Variants in OTUD7A observed in about 807,000 individuals in gnomAD.
OTUD7A encodes the protein OTU domain-containing protein 7A.
Under a neutral mutation model 65.7 loss-of-function variants are expected in OTUD7A, and 12 were observed. The ratio of observed to expected loss-of-function variants is 0.18; its 90% confidence interval spans 0.12 to 0.30. The LOEUF (loss-of-function observed/expected upper bound fraction) is 0.30, where lower values mean the gene tolerates loss of function less well. Among genes scored for constraint, OTUD7A ranks in the 10% least tolerant of loss-of-function variants. The pLI, the probability that OTUD7A is intolerant of heterozygous loss-of-function variation, is 1.00. For synonymous variants in OTUD7A, 641 were observed against 586.3 expected (o/e 1.09, Z -1.35); for missense variants, 1,148 against 1,304.8 (o/e 0.88, Z 1.85).
chr15:31,535,963 A>G (rs1887788809), intron 5 of OTUD7A, among the ~76,000 whole-genome samples: 1 of 152,076 alleles, frequency 6.6e-6, no homozygotes, highest in African/African-American at 2.4e-5. Context: ...TACAGGTGTG[A>G]GCCACCGCGC....
intron 1 of OTUD7A, among the ~76,000 whole-genome samples, chr15:31,856,100 AT>A (rs751103222): frequency 3.2e-4 from 48 of 152,358 alleles, no homozygotes; most frequent in Non-Finnish European, 6.8e-4. Flanking sequence ...GAAATAAGAC[AT>A]GTAACTTAAA....
chr15:31,842,712 A>C (rs28435387), intron 1 of OTUD7A, among the ~76,000 whole-genome samples: 3,532 of 152,248 alleles, frequency 0.023, 68 homozygotes, highest in Non-Finnish European at 0.038. Context: ...AACTGTGACA[A>C]AACCCTGACC....
At chr15:31,549,884 G>A (rs1318111951) in intron 5 of OTUD7A, among the ~76,000 whole-genome samples, 1 of 152,088 alleles carries the variant, frequency 6.6e-6, no homozygotes, top group Non-Finnish European at 1.5e-5. Context: ...CCCCTTTCCT[G>A]TAGTTCTCAA....
chr15:31,484,500 G>C lies in OTUD7A; in HGVS notation c.1596C>G (p.Gly532=), dbSNP rs760740098. 1.2e-6 allele frequency: 2 copies of C among 1,609,266 alleles called. No homozygotes were observed. Among genetic ancestry groups the C allele is most frequent in the South Asian group, 1.1e-5 (1 of 91,092 alleles). The change falls in exon 13 of 13, where the codon GGC becomes GGG. Residue 532 remains glycine, a synonymous_variant. Transcript: ENST00000307050. This position sits in a 1 kb window ranked among gnomAD's most constrained non-coding sequence, Gnocchi z 4.5. ...NKLGSFSKTL[G]IKLKKNMGGL... ...CGCCCATGTTTTTCTTCAGCTTGAT[G>C]CCCAGCGTCTTGCTGAAGCTGCCCA...
chr15:31,761,126 A>C (rs562499306), intron 1 of OTUD7A, among the ~76,000 whole-genome samples: 2 of 152,174 alleles, frequency 1.3e-5, no homozygotes, highest in African/African-American at 2.4e-5. Flanking sequence ...GAGTTAGGCA[A>C]TAATTTTGTA....
intron 3 of OTUD7A, among the ~76,000 whole-genome samples, chr15:31,610,617 A>ATATATATATATATATATTTTT: frequency 3.3e-5 from 1 of 30,562 alleles, no homozygotes; most frequent in Non-Finnish European, 4.9e-5. Context: ...ATATATATAT[A>ATATATATATATATATATTTTT]TTTTTTTTTT....
chr15:31,719,541 G>T (rs1182143206), intron 1 of OTUD7A, among the ~76,000 whole-genome samples: 2 of 152,114 alleles, frequency 1.3e-5, no homozygotes, highest in South Asian at 4.1e-4. Flanking sequence ...TGAAGAGACA[G>T]CCCTCCTCTT....
At chr15:31,841,721 C>T (rs1419088761) in intron 1 of OTUD7A, among the ~76,000 whole-genome samples, 1 of 152,046 alleles carries the variant, frequency 6.6e-6, no homozygotes, top group African/African-American at 2.4e-5. Context: ...CCTGCTTGAC[C>T]CAAAATTAAT....
intron 1 of OTUD7A, among the ~76,000 whole-genome samples, chr15:31,728,036 C>G (rs1477787715): frequency 1.3e-5 from 2 of 152,196 alleles, no homozygotes; most frequent in African/African-American, 4.8e-5. Context: ...CTCTTCTGAA[C>G]TTTACCTTGG....
intron 1 of OTUD7A, among the ~76,000 whole-genome samples, chr15:31,735,169 C>T (rs1276398802): frequency 6.6e-6 from 1 of 152,124 alleles, no homozygotes; most frequent in East Asian, 1.9e-4. Flanking sequence ...TCATTAAAGA[C>T]ATGCAAATCA....
chr15:31,865,083 G>A (rs1897844659), intron 1 of OTUD7A, among the ~76,000 whole-genome samples: 1 of 152,134 alleles, frequency 6.6e-6, no homozygotes. Flanking sequence ...CAAGTGAGCT[G>A]GAAGCATGTC....
chr15:31,693,625 T>A (rs2141320147), intron 1 of OTUD7A, among the ~76,000 whole-genome samples: 2 of 152,180 alleles, frequency 1.3e-5, no homozygotes, highest in Non-Finnish European at 2.9e-5. Flanking sequence ...CCAGGGAGTG[T>A]GCTAACGCTG....
At chr15:31,791,646 G>A (rs1189444244) in intron 1 of OTUD7A, among the ~76,000 whole-genome samples, 2 of 152,136 alleles carry the variant, frequency 1.3e-5, no homozygotes, top group African/African-American at 2.4e-5. Context: ...TGTGCTGGCT[G>A]GCCTTTGTGC....
At chr15:31,790,141 T>C (rs1316084356) in intron 1 of OTUD7A, among the ~76,000 whole-genome samples, 2 of 152,246 alleles carry the variant, frequency 1.3e-5, no homozygotes, top group Admixed American at 6.5e-5. Context: ...ACATCACACT[T>C]CCTAGATGTG....
chr15:31,860,622 G>GATAAATATACATATATATATAT lies in OTUD7A; in HGVS notation c.-100+9884_-100+9885insATATATATATATGTATATTTAT, dbSNP rs59869625. On this transcript the variant is annotated intron_variant, in intron 1 of 12. Coordinates refer to ENST00000307050, the MANE Select transcript of OTUD7A (RefSeq NM_001382637.1). ...TATTCTCCTCGACCCCAGAAGTGGA[G>GATAAATATACATATATATATAT]ATATATATATATATATATATATGTA... is the stretch of plus-strand genomic sequence containing the variant. Among the ~76,000 whole-genome samples the GATAAATATACATATATATATAT allele has an allele frequency of 4.2e-3, 113 of 26,854 alleles. 10 individuals are homozygous for GATAAATATACATATATATATAT. Among genetic ancestry groups the GATAAATATACATATATATATAT allele is most frequent in the East Asian group, 0.01 (6 of 584 alleles). The allele number at this position is 26,854 out of a possible 152,430, so 17.6% of individuals were successfully genotyped here.
At chr15:31,619,757 A>C (rs1451025527) in intron 3 of OTUD7A, among the ~76,000 whole-genome samples, 10 of 79,488 alleles carry the variant, frequency 1.3e-4, no homozygotes, top group African/African-American at 5.1e-4. Context: ...AATACCCTTT[A>C]TTTCTTTCTC....
chr15:31,697,780 C>A (rs1469393860), intron 1 of OTUD7A, among the ~76,000 whole-genome samples: 1 of 152,232 alleles, frequency 6.6e-6, no homozygotes, highest in African/African-American at 2.4e-5. Flanking sequence ...CCCAGGGTCA[C>A]ACAACCAGTC....
At chr15:31,610,159 A>G (rs1296066082) in intron 3 of OTUD7A, among the ~76,000 whole-genome samples, 1 of 152,198 alleles carries the variant, frequency 6.6e-6, no homozygotes, top group Non-Finnish European at 1.5e-5. Context: ...AGCTGTTCTT[A>G]TATCAGACAA....
chr15:31,501,793 G>C lies in OTUD7A; in HGVS notation c.1068C>G (p.Val356=), dbSNP rs757951928. The change falls in exon 10 of 13, where the codon GTC becomes GTG. Residue 356 remains valine (V), a synonymous_variant. Transcript: ENST00000307050. ...GCGAGCAGTGGCATCTGTTGGGAGG[G>C]ACCTCCAAGGGCAGGTAGATCCCTC... ...PFGGIYLPLE[V]PPNRCHCSPL... 2 of 1,614,140 alleles carry C rather than the reference G, an allele frequency of 1.2e-6. No individual in the cohort carries two copies. Among genetic ancestry groups the C allele is most frequent in the East Asian group, 4.5e-5 (2 of 44,888 alleles).
Sources: gnomAD v4.1 joint callset for allele counts (sites outside exome capture counted in the v4.1 genomes callset) on GRCh38, gnomAD v4.1.1 for gene constraint, Gnocchi (gnomAD v3.1) non-coding constraint, MANE v1.5 for transcripts, NCBI Gene and HGNC (gene_info 2026-07-23, HGNC 2026-07-21) for gene names.